The following CFAP221 variants were observed in gnomAD, a reference collection of about 807,000 sequenced individuals.
CFAP221 encodes cilia- and flagella-associated protein 221.
CFAP221 carries 97 observed loss-of-function variants against 113.1 expected under a neutral mutation model. The ratio of observed to expected loss-of-function variants is 0.86; its 90% CI spans 0.73 to 1.02. CFAP221 has a LOEUF of 1.02. CFAP221 is among the 50% of genes least tolerant of loss of function. CFAP221 has a pLI of 0.00. For synonymous variants in CFAP221, 331 were observed against 354.4 expected (o/e 0.93, Z 0.74); for missense variants, 1,025 against 1,013.4 (o/e 1.01, Z -0.16).
intron 12 of CFAP221, 74 bp downstream of exon 12, chr2:119,608,663 A>C (rs1240205761): frequency 7.8e-7 from 1 of 1,277,260 alleles, no homozygotes; most frequent in Admixed American, 1.9e-5. Context: ...GCAAGATGCC[A>C]GGTGGAGGAA....
chr2:119,624,360 T>G (rs913696629), intron 14 of CFAP221, among the ~76,000 whole-genome samples: 2 of 152,128 alleles, frequency 1.3e-5, no homozygotes, highest in Non-Finnish European at 2.9e-5. Context: ...CATTAAAAAG[T>G]CGGGAAACAA....
chr2:119,578,369 C>T (rs865836472), intron 6 of CFAP221, among the ~76,000 whole-genome samples: 2 of 152,228 alleles, frequency 1.3e-5, no homozygotes, highest in Admixed American at 6.5e-5. Flanking sequence ...CCAAAGCTTG[C>T]CCAGGCTCGG....
chr2:119,627,562 T>C, intron 15 of CFAP221, 91 bp from the exon 16 acceptor site: 1 of 1,246,408 alleles, frequency 8.0e-7, no homozygotes, highest in Non-Finnish European at 1.1e-6. Flanking sequence ...CACCCACTAA[T>C]TGGTATATGG....
intron 15 of CFAP221, 127 bp from the exon 16 acceptor site, chr2:119,627,526 T>G (rs1159483322): frequency 2.1e-4 from 41 of 194,630 alleles, no homozygotes; most frequent in East Asian, 2.1e-3. Context: ...TGGATATATA[T>G]ATATATATAT....
At chr2:119,593,400 T>C (rs1683730513) in intron 7 of CFAP221, among the ~76,000 whole-genome samples, 1 of 152,182 alleles carries the variant, frequency 6.6e-6, no homozygotes, top group African/African-American at 2.4e-5. Flanking sequence ...GTCTGTAGGA[T>C]GTACAGGAAG....
At chr2:119,638,561 C>A in intron 20 of CFAP221, 144 bp downstream of exon 20, 4 of 1,088,862 alleles carry the variant, frequency 3.7e-6, no homozygotes, top group African/African-American at 1.6e-5. Flanking sequence ...CCCCTCATAC[C>A]GCCAGCCCTA....
chr2:119,554,918 T>G (rs567885229), intron 3 of CFAP221, among the ~76,000 whole-genome samples: 1 of 152,178 alleles, frequency 6.6e-6, no homozygotes, highest in South Asian at 2.1e-4. Flanking sequence ...CAGGCCAAAG[T>G]GTTGTGTTTG....
At chr2:119,645,974 G>A (rs575822280) in intron 21 of CFAP221, among the ~76,000 whole-genome samples, 5 of 152,308 alleles carry the variant, frequency 3.3e-5, no homozygotes, top group African/African-American at 7.2e-5. Context: ...TATGGAAGGA[G>A]TCGAGACCCC....
chr2:119,603,115 C>A (rs2104668728), intron 8 of CFAP221, among the ~76,000 whole-genome samples: 1 of 152,312 alleles, frequency 6.6e-6, no homozygotes, highest in African/African-American at 2.4e-5. Context: ...GTAGTGCTCT[C>A]TGAAATTTTC....
intron 8 of CFAP221, among the ~76,000 whole-genome samples, chr2:119,603,371 C>T (rs1302111159): frequency 1.3e-5 from 2 of 152,040 alleles, no homozygotes; most frequent in South Asian, 2.1e-4. Flanking sequence ...AACCTCAGTT[C>T]GCTACCTGGC....
At chr2:119,584,591 A>C (rs1558934890) in intron 6 of CFAP221, among the ~76,000 whole-genome samples, 1 of 152,158 alleles carries the variant, frequency 6.6e-6, no homozygotes, top group African/African-American at 2.4e-5. Flanking sequence ...TGTCTCAAAA[A>C]AAAAAAAGAA....
At position 119,630,602 on chromosome 2, in the gene CFAP221, G is replaced by C. The variant is rs750160118; in HGVS notation, c.1764G>C (p.Gln588His). 24 of 1,613,420 alleles carry C rather than the reference G, an allele frequency of 1.5e-5. No homozygotes were observed. The South Asian group carries it at 2.6e-4, about 18-fold the overall frequency. ...VPQLYKIKRY[Q>H]PFSVHKSSTS... is the part of the protein sequence containing the mutation. ...AACTGTACAAAATTAAGAGATATCA[G>C]CCATTCTCTGTCCACAAGTCTTCAA... Residue 588 changes from glutamine (Q) to histidine (H), a missense_variant, in exon 18 of 24, where the codon CAG becomes CAC. Physicochemically the swap from Gln to His is conservative, Grantham distance 24. Coordinates refer to ENST00000413369, the MANE Select transcript of CFAP221 (RefSeq NM_001271049.2).
At chr2:119,659,080 C>T (rs1558680744), downstream of CFAP221, among the ~76,000 whole-genome samples, 2 of 152,034 alleles carry the variant, frequency 1.3e-5, no homozygotes, top group East Asian at 3.9e-4. Flanking sequence ...TTTTGGCCTT[C>T]CTCCTTTCCT....
At chr2:119,568,401 C>T (rs529180090) in intron 6 of CFAP221, among the ~76,000 whole-genome samples, 2 of 151,952 alleles carry the variant, frequency 1.3e-5, no homozygotes, top group Admixed American at 6.6e-5. Flanking sequence ...TAAATGTGTG[C>T]CATGGTGGTT....
In CFAP221 at chr2:119,626,196, C is replaced by T. The variant is rs748238603; in HGVS notation, c.1516+508C>T. The stretch of plus-strand genomic sequence containing the variant: ...GTGAGTCTGACTCCCCTGTTTCCTT[C>T]CTATGCAGACTCTGATTATATAAGG... On this transcript the variant is annotated intron_variant, in intron 15 of 23. Coordinates refer to ENST00000413369, the MANE Select transcript of CFAP221 (RefSeq NM_001271049.2). 1.8e-4 allele frequency among the ~76,000 whole-genome samples: 27 copies of T among 152,274 alleles called. 1 individual carries two copies. The highest frequency in any genetic ancestry group is 6.8e-3 in the Middle Eastern group (2 of 294).
intron 14 of CFAP221, 146 bp from the exon 15 acceptor site, chr2:119,625,436 GA>G: frequency 1.5e-6 from 1 of 662,958 alleles, no homozygotes; most frequent in South Asian, 1.9e-5. Flanking sequence ...GCAGCCTAGG[GA>G]GAGTAGCATG....
chr2:119,571,133 C>CCTTTT (rs1682012597), intron 6 of CFAP221, among the ~76,000 whole-genome samples: 1 of 93,132 alleles, frequency 1.1e-5, no homozygotes, highest in Non-Finnish European at 2.0e-5. Context: ...TAACAACCCC[C>CCTTTT]TTTTTTTTTT....
chr2:119,610,396 G>A (rs1372178114), intron 12 of CFAP221, among the ~76,000 whole-genome samples: 1 of 152,180 alleles, frequency 6.6e-6, no homozygotes, highest in Non-Finnish European at 1.5e-5. Context: ...GTGGGGGAAG[G>A]AAGGAGATGG....
At chr2:119,602,669 G>A in intron 8 of CFAP221, 2 of 985,286 alleles carry the variant, frequency 2.0e-6, no homozygotes, top group Non-Finnish European at 2.4e-6. Context: ...CCCAAATCCT[G>A]CAAATAACCA....
Sources: allele counts gnomAD v4.1 joint callset (sites outside exome capture counted in the v4.1 genomes callset), GRCh38; gene constraint gnomAD v4.1.1; transcripts MANE v1.5; gene names NCBI Gene and HGNC (gene_info 2026-07-23, HGNC 2026-07-21).